Variants in MARCHF1 observed in about 807,000 individuals in gnomAD.
The protein encoded by MARCHF1 is E3 ubiquitin-protein ligase MARCHF1.
Under a neutral mutation model 54.2 loss-of-function variants are expected in MARCHF1, and 40 were observed. That is an observed-to-expected ratio of 0.74 (90% CI 0.57 to 0.96). The LOEUF (loss-of-function observed/expected upper bound fraction) is 0.96, where lower values mean the gene tolerates loss of function less well. MARCHF1 is among the 40% of genes least tolerant of loss of function. The pLI, the probability that MARCHF1 is intolerant of heterozygous loss-of-function variation, is 0.00. For missense variants in MARCHF1, 586 were observed against 656.5 expected (o/e 0.89, Z 1.17); for synonymous variants, 236 against 236.3 (o/e 1.00, Z 0.01).
intron 1 of MARCHF1, among the ~76,000 whole-genome samples, chr4:164,202,065 T>C (rs1731468978): frequency 6.6e-6 from 1 of 152,204 alleles, no homozygotes; most frequent in African/African-American, 2.4e-5. Flanking sequence ...CTGCTGGAAC[T>C]TGCAACTGAT....
chr4:163,728,343 A>C (rs1440705668), intron 4 of MARCHF1, among the ~76,000 whole-genome samples: 1 of 152,216 alleles, frequency 6.6e-6, no homozygotes, highest in Non-Finnish European at 1.5e-5. Flanking sequence ...CCAAAAAATA[A>C]CTTTCTGGGA....
At chr4:163,542,565 T>A (rs1405957836) in intron 9 of MARCHF1, among the ~76,000 whole-genome samples, 1 of 152,178 alleles carries the variant, frequency 6.6e-6, no homozygotes, top group Non-Finnish European at 1.5e-5. Context: ...CCACAGGTAA[T>A]CTACCATGCA....
At chr4:164,296,554 G>A (rs1007375586) in intron 1 of MARCHF1, among the ~76,000 whole-genome samples, 5 of 151,994 alleles carry the variant, frequency 3.3e-5, no homozygotes, top group Admixed American at 6.6e-5. Flanking sequence ...ATTTTTAGTA[G>A]AGACAGTGTT....
At chr4:163,852,458 C>A (rs55843110) in intron 4 of MARCHF1, among the ~76,000 whole-genome samples, 3 of 151,974 alleles carry the variant, frequency 2.0e-5, no homozygotes, top group Admixed American at 6.6e-5. Context: ...TGCAGCTGTA[C>A]GCATAAATAT....
chr4:164,153,123 AG>A (rs1729988596), intron 1 of MARCHF1, among the ~76,000 whole-genome samples: 1 of 10,046 alleles, frequency 1.0e-4, no homozygotes, highest in Non-Finnish European at 1.6e-4. Flanking sequence ...TCATCAACAG[AG>A]AATATATATA....
chr4:163,760,708 C>G (rs546248840), intron 4 of MARCHF1, among the ~76,000 whole-genome samples: 1 of 152,224 alleles, frequency 6.6e-6, no homozygotes, highest in South Asian at 2.1e-4. Context: ...CATTTCTTTG[C>G]ATGAAAAAGC....
At chr4:164,190,580 G>GT (rs112596327) in intron 1 of MARCHF1, among the ~76,000 whole-genome samples, 22,503 of 152,058 alleles carry the variant, frequency 0.15, 2,233 homozygotes, top group African/African-American at 0.26. Flanking sequence ...TAGGGTGTGT[G>GT]TTCACCTTCA....
intron 5 of MARCHF1, among the ~76,000 whole-genome samples, chr4:163,661,098 T>C (rs1743329534): frequency 6.6e-6 from 1 of 152,036 alleles, no homozygotes; most frequent in South Asian, 2.1e-4. Flanking sequence ...TCTTTCTGAT[T>C]CTTCCTGAAC....
intron 1 of MARCHF1, among the ~76,000 whole-genome samples, chr4:164,257,782 A>G (rs2111262351): frequency 6.6e-6 from 1 of 152,270 alleles, no homozygotes; most frequent in South Asian, 2.1e-4. Flanking sequence ...AGCTTGGCCA[A>G]TATGGCAAAA....
chr4:164,055,638 C>T (rs1226106077), intron 2 of MARCHF1, among the ~76,000 whole-genome samples: 4 of 152,036 alleles, frequency 2.6e-5, no homozygotes, highest in African/African-American at 9.7e-5. Context: ...AAACATTTCT[C>T]TTTTTGACTT....
chr4:164,087,808 T>C (rs558064718), intron 2 of MARCHF1, among the ~76,000 whole-genome samples: 2 of 5,688 alleles, frequency 3.5e-4, no homozygotes, highest in East Asian at 1.2e-3. Context: ...TTTTTCTGTG[T>C]TTTTTTTTTT....
intron 1 of MARCHF1, among the ~76,000 whole-genome samples, chr4:164,313,620 C>G (rs1483408364): frequency 1.3e-5 from 2 of 152,074 alleles, no homozygotes; most frequent in Admixed American, 6.5e-5. Flanking sequence ...TTCTTCCTCC[C>G]TAAATAACAA....
At chr4:163,721,542 A>G (rs1468760574) in intron 4 of MARCHF1, among the ~76,000 whole-genome samples, 1 of 152,182 alleles carries the variant, frequency 6.6e-6, no homozygotes, top group Non-Finnish European at 1.5e-5. Flanking sequence ...TGCTGGCCTC[A>G]TAAAATGAGT....
intron 5 of MARCHF1, among the ~76,000 whole-genome samples, chr4:163,626,399 C>A (rs1273117352): frequency 6.6e-6 from 1 of 152,148 alleles, no homozygotes; most frequent in Non-Finnish European, 1.5e-5. Context: ...TAGATCCAAT[C>A]CACTAGGAGA....
At chr4:164,039,570 A>G (rs969091209) in intron 2 of MARCHF1, among the ~76,000 whole-genome samples, 1 of 152,158 alleles carries the variant, frequency 6.6e-6, no homozygotes, top group Admixed American at 6.5e-5. Context: ...TGGAAGTTGC[A>G]TTATCAGGAA....
At chr4:164,022,688 A>G (rs1187309733) in intron 2 of MARCHF1, among the ~76,000 whole-genome samples, 1 of 152,220 alleles carries the variant, frequency 6.6e-6, no homozygotes, top group African/African-American at 2.4e-5. Context: ...GCTGCGGCGG[A>G]GTGCGGCCAT....
At chr4:164,300,843 A>G (rs985911544) in intron 1 of MARCHF1, among the ~76,000 whole-genome samples, 7 of 152,196 alleles carry the variant, frequency 4.6e-5, no homozygotes, top group African/African-American at 9.7e-5. Flanking sequence ...CAATGCACCA[A>G]ATACATGCAA....
chr4:163,656,994 A>C (rs1370097868), intron 5 of MARCHF1, among the ~76,000 whole-genome samples: 7 of 152,124 alleles, frequency 4.6e-5, no homozygotes, highest in Non-Finnish European at 1.0e-4. Context: ...GAAAATTGGC[A>C]CAAGACAAGG....
chr4:163,928,605 A>T (rs773134649), intron 3 of MARCHF1, among the ~76,000 whole-genome samples: 1 of 151,950 alleles, frequency 6.6e-6, no homozygotes, highest in Non-Finnish European at 1.5e-5. Context: ...TTCTTTTTTG[A>T]TTGAAAAGTC....
Sources: allele counts gnomAD v4.1 joint callset (sites outside exome capture counted in the v4.1 genomes callset), GRCh38; gene constraint gnomAD v4.1.1; transcripts MANE v1.5; gene names NCBI Gene and HGNC (gene_info 2026-07-23, HGNC 2026-07-21).